Variants in ZNRF1 observed in about 807,000 individuals in gnomAD.
ZNRF1 encodes E3 ubiquitin-protein ligase ZNRF1.
In ZNRF1, 3 loss-of-function variants were observed where a neutral mutation model predicts 18.4. That is an observed-to-expected ratio of 0.16 (90% CI 0.07 to 0.42). The LOEUF (loss-of-function observed/expected upper bound fraction) is 0.42, where lower values mean the gene tolerates loss of function less well. Among genes scored for constraint, ZNRF1 ranks in the 10% least tolerant of loss-of-function variants. The pLI is 0.99. For synonymous variants in ZNRF1, 157 were observed against 144.2 expected (o/e 1.09, Z -0.64); for missense variants, 310 against 329.8 (o/e 0.94, Z 0.47).
intron 1 of ZNRF1, among the ~76,000 whole-genome samples, chr16:75,052,971 C>G (rs2035623622): frequency 6.6e-6 from 1 of 152,206 alleles, no homozygotes. Flanking sequence ...TTTGCTGCCA[C>G]TGGGGACATG....
Position 75,100,052 on chromosome 16 carries a change from T to C in ZNRF1, c.521-4732T>C, listed in dbSNP as rs555753168. Among the ~76,000 whole-genome samples, 13 of 152,306 alleles carry C rather than the reference T, an allele frequency of 8.5e-5. No individual in the cohort carries two copies. The East Asian group carries it at 2.5e-3, about 29-fold the overall frequency. ...TGGGCACTGGGCTCTGTGTGGGCACTGCTGGCTTCCCCATGCTGTCTGAGT... is the reference window on the plus strand; with the variant it reads ...TGGGCACTGGGCTCTGTGTGGGCACCGCTGGCTTCCCCATGCTGTCTGAGT... On this transcript the variant is annotated intron_variant, in intron 2 of 4. Transcript: ENST00000335325.
chr16:75,081,636 CG>C (rs970620187), intron 1 of ZNRF1, among the ~76,000 whole-genome samples: 1 of 152,068 alleles, frequency 6.6e-6, no homozygotes, highest in African/African-American at 2.4e-5. Flanking sequence ...TGCAGTGTGT[CG>C]GCGGTGGAAA....
intron 1 of ZNRF1, among the ~76,000 whole-genome samples, chr16:75,006,274 A>G (rs758116077): frequency 6.6e-6 from 1 of 152,258 alleles, no homozygotes; most frequent in Non-Finnish European, 1.5e-5. Flanking sequence ...AAAATTAGAA[A>G]AACTTCATAG....
At chr16:75,024,394 C>T (rs192999311) in intron 1 of ZNRF1, among the ~76,000 whole-genome samples, 108 of 152,226 alleles carry the variant, frequency 7.1e-4, no homozygotes, top group African/African-American at 2.4e-3. Flanking sequence ...TGTTTATTAC[C>T]TATGATACGG....
At chr16:75,039,714 A>T (rs1342307112) in intron 1 of ZNRF1, among the ~76,000 whole-genome samples, 1 of 152,188 alleles carries the variant, frequency 6.6e-6, no homozygotes, top group Non-Finnish European at 1.5e-5. Flanking sequence ...ATCCAGTGGG[A>T]AGAGAGGGGT....
chr16:75,033,262 CA>C (rs56265355), intron 1 of ZNRF1, among the ~76,000 whole-genome samples: 16,973 of 81,476 alleles, frequency 0.21, 923 homozygotes, highest in Middle Eastern at 0.36. Context: ...TTTATTTCTA[CA>C]AAAAAAAAAA....
Position 75,010,716 on chromosome 16 carries a change from TTTG to T in ZNRF1, c.424+10624_424+10626del, listed in dbSNP as rs1276867329. On this transcript the variant is annotated intron_variant, in intron 1 of 4. Transcript: ENST00000335325. ...GTACTGTACTGTTTTTTTTTGTTTT[TTTG>T]TTTTTTTTTTTTTGAGGAGTCTCGC... Among the ~76,000 whole-genome samples, 17 of 58,356 alleles carry T rather than the reference TTTG, an allele frequency of 2.9e-4. 1 individual carries two copies. Among genetic ancestry groups the T allele is most frequent in the South Asian group, 6.8e-4 (1 of 1,464 alleles). The allele number at this position is 58,356 out of a possible 152,430, so 38.3% of individuals were successfully genotyped here. A position where few individuals can be genotyped will look rare whatever the true frequency, so the allele number is the denominator to read the frequency against.
At chr16:75,029,370 G>A (rs143723333) in intron 1 of ZNRF1, among the ~76,000 whole-genome samples, 1,544 of 151,976 alleles carry the variant, frequency 0.01, 23 homozygotes, top group African/African-American at 0.036. Flanking sequence ...GGATAGTCTC[G>A]ATCTCCTGAC....
intron 1 of ZNRF1, among the ~76,000 whole-genome samples, chr16:75,013,413 C>G (rs1445551008): frequency 6.6e-6 from 1 of 151,354 alleles, no homozygotes. Context: ...GTGGCGTGAT[C>G]TCAGCTCACT....
chr16:75,044,685 C>T (rs111349029), intron 1 of ZNRF1, among the ~76,000 whole-genome samples: 4 of 152,304 alleles, frequency 2.6e-5, no homozygotes, highest in African/African-American at 9.6e-5. Context: ...CAGGCTTCCT[C>T]ATCCTGTTGA....
chr16:75,081,873 G>A (rs2036016020), intron 1 of ZNRF1, among the ~76,000 whole-genome samples: 1 of 152,180 alleles, frequency 6.6e-6, no homozygotes, highest in Non-Finnish European at 1.5e-5. Context: ...CAAGCCAAGT[G>A]TTTCCCTGGA....
At chr16:75,072,147 A>T (rs1390290242) in intron 1 of ZNRF1, among the ~76,000 whole-genome samples, 1 of 151,380 alleles carries the variant, frequency 6.6e-6, no homozygotes, top group Non-Finnish European at 1.5e-5. Flanking sequence ...ATGCAGTCAG[A>T]TTTTTTGTAG....
chr16:75,006,516 A>C (rs527666202), intron 1 of ZNRF1, among the ~76,000 whole-genome samples: 1 of 152,080 alleles, frequency 6.6e-6, no homozygotes, highest in African/African-American at 2.4e-5. Context: ...GCTCACTGCA[A>C]CGTCCACTTC....
chr16:75,021,127 A>G (rs1597862220), intron 1 of ZNRF1, among the ~76,000 whole-genome samples: 1 of 151,668 alleles, frequency 6.6e-6, no homozygotes, highest in African/African-American at 2.4e-5. Context: ...TGCAACGTCC[A>G]CCTCCCGGGT....
In ZNRF1 at chr16:75,050,096, C is replaced by T. The variant is rs557690469; in HGVS notation, c.425-43476C>T. ...AAATGGAATCATAGGGCATGTAATCCTTGGGATTGGCTTTCTTCACTTAGC... is the reference window on the plus strand; with the variant it reads ...AAATGGAATCATAGGGCATGTAATCTTTGGGATTGGCTTTCTTCACTTAGC... On this transcript the variant is annotated intron_variant, in intron 1 of 4. Coordinates refer to ENST00000335325, the MANE Select transcript of ZNRF1 (RefSeq NM_032268.5). 7.2e-5 allele frequency among the ~76,000 whole-genome samples: 11 copies of T among 152,192 alleles called. No homozygotes were observed. In the South Asian group the frequency reaches 2.3e-3, roughly 32 times the overall value.
intron 1 of ZNRF1, among the ~76,000 whole-genome samples, chr16:75,053,909 T>G (rs544016085): frequency 4.6e-4 from 70 of 152,346 alleles, no homozygotes; most frequent in African/African-American, 1.7e-3. Flanking sequence ...TTTGGCTCAT[T>G]GTGGCCACGC....
intron 1 of ZNRF1, among the ~76,000 whole-genome samples, chr16:75,072,225 G>T (rs1173979617): frequency 6.6e-6 from 1 of 152,066 alleles, no homozygotes; most frequent in Admixed American, 6.6e-5. Flanking sequence ...TCCTGCCTCA[G>T]CCTCCCAAAG....
intron 1 of ZNRF1, among the ~76,000 whole-genome samples, chr16:75,043,731 G>T (rs2035478369): frequency 6.7e-6 from 1 of 149,610 alleles, no homozygotes; most frequent in South Asian, 2.1e-4. Flanking sequence ...GGGTTGGGTG[G>T]AGTACTGGTT....
In ZNRF1 at chr16:75,040,481, T is replaced by C. The variant is rs143925025; in HGVS notation, c.424+40386T>C. 2.6e-5 allele frequency among the ~76,000 whole-genome samples: 4 copies of C among 152,106 alleles called. No individual in the cohort carries two copies. The East Asian group carries it at 7.7e-4, about 29-fold the overall frequency. ...CAATCTCTGCTCCCCACCGGGCAACTGCTATCTCTCTAGATTTGCCTTTTC... is the reference window on the plus strand; with the variant it reads ...CAATCTCTGCTCCCCACCGGGCAACCGCTATCTCTCTAGATTTGCCTTTTC... On this transcript the variant is annotated intron_variant, in intron 1 of 4. Coordinates refer to ENST00000335325, the MANE Select transcript of ZNRF1 (RefSeq NM_032268.5).
Sources: gnomAD v4.1 joint callset for allele counts (sites outside exome capture counted in the v4.1 genomes callset) on GRCh38, gnomAD v4.1.1 for gene constraint, MANE v1.5 for transcripts, NCBI Gene and HGNC (gene_info 2026-07-23, HGNC 2026-07-21) for gene names.